NRIP3: variants seen among roughly 807,000 people sequenced by gnomAD.
The protein encoded by NRIP3 is nuclear receptor interacting protein 3.
NRIP3 carries 31 observed loss-of-function variants against 29.0 expected under a neutral mutation model. The observed-to-expected ratio is 1.07, with a 90% CI of 0.80 to 1.44. The LOEUF (loss-of-function observed/expected upper bound fraction) is 1.44. Ranked by LOEUF, NRIP3 falls within the 40% of genes most tolerant of loss-of-function variation. NRIP3 has a pLI of 0.00. For synonymous variants in NRIP3, 131 were observed against 118.3 expected (o/e 1.11, Z -0.70); for missense variants, 314 against 297.9 (o/e 1.05, Z -0.40).
chr11:9,003,861 C>T lies in NRIP3; in HGVS notation c.75G>A (p.Gln25=). 6.6e-7 allele frequency: 1 copy of T among 1,521,704 alleles called. No homozygotes were observed. The highest frequency in any genetic ancestry group is 1.4e-5 in the African/African-American group (1 of 69,662). 94.3% of individuals were successfully genotyped at this position (1,521,704 alleles called of 1,614,324 possible). A position where few individuals can be genotyped will look rare whatever the true frequency, so the allele number is the denominator to read the frequency against. ...TDMREAASLR[Q]QRRMKQAVQF... is the part of the protein sequence containing the mutation. ...GCACCGCCTGCTTCATCCGGCGCTG[C>T]TGTCGCAGTGACGCCGCCTCCCGCA... The change falls in exon 1 of 7, where the codon CAG becomes CAA. Residue 25 remains glutamine, a synonymous_variant. Transcript: ENST00000309166.
chr11:8,984,076 A>G lies in NRIP3; in HGVS notation c.611T>C (p.Leu204Pro), dbSNP rs763569099. 9 of 1,612,078 alleles carry G rather than the reference A, an allele frequency of 5.6e-6. No individual in the cohort carries two copies. In the Admixed American group the frequency reaches 1.2e-4, roughly 21 times the overall value. Residue 204 changes from leucine to proline, a missense_variant, in exon 5 of 7, where the codon CTG becomes CCG. Physicochemically the swap from Leu to Pro is moderately conservative, Grantham distance 98. Coordinates refer to ENST00000309166, the MANE Select transcript of NRIP3 (RefSeq NM_020645.3). ...LSLGLQTLRS[L>P]KCIINLDKHR... ...GGTAAGTGGAGTCAATCTTACCTTC[A>G]GAGATCGGAGAGTCTGTAGACCAAG...
chr11:8,983,710 G>GT, intron 6 of NRIP3, 150 bp from the exon 7 acceptor site: 1 of 880,910 alleles, frequency 1.1e-6, no homozygotes, highest in Non-Finnish European at 1.9e-6. Flanking sequence ...GCACTACAGA[G>GT]TTTTGTGGGG....
rs746997245 is a variant in NRIP3 at position 8,982,964 on chromosome 11, A to G, written c.*581T>C. 2.2e-6 allele frequency: 1 copy of G among 456,550 alleles called. No homozygotes were observed. Among genetic ancestry groups the G allele is most frequent in the South Asian group, 1.5e-5 (1 of 64,568 alleles). The allele number at this position is 456,550 out of a possible 1,614,324, so 28.3% of individuals were successfully genotyped here. On this transcript the variant is annotated 3_prime_UTR_variant, in exon 7 of 7. Coordinates refer to ENST00000309166, the MANE Select transcript of NRIP3 (RefSeq NM_020645.3). ...TGGTCCCTTCAGTCACTGACCTAAT[A>G]TATGAACTTAGACAATTCACTTGCC...
upstream of NRIP3, chr11:9,004,026 T>G: frequency 2.4e-6 from 3 of 1,250,716 alleles, no homozygotes; most frequent in Non-Finnish European, 3.1e-6. Context: ...GAGCCGCGCC[T>G]TTTATAGCCG....
At chr11:8,983,755 T>C in intron 6 of NRIP3, 120 bp downstream of exon 6, 1 of 940,628 alleles carries the variant, frequency 1.1e-6, no homozygotes, top group East Asian at 2.4e-5. Flanking sequence ...GGTGGATTTG[T>C]AGTATAATTG....
chr11:9,002,307 G>A (rs971258275), intron 1 of NRIP3, among the ~76,000 whole-genome samples: 2 of 152,062 alleles, frequency 1.3e-5, no homozygotes, highest in Non-Finnish European at 2.9e-5. Context: ...TAAATGAATC[G>A]AGATTGCTTT....
intron 3 of NRIP3, among the ~76,000 whole-genome samples, chr11:8,986,087 G>T (rs1048751574): frequency 6.6e-6 from 1 of 152,186 alleles, no homozygotes; most frequent in Non-Finnish European, 1.5e-5. Flanking sequence ...TCACTTATGT[G>T]TATTGGTGAA....
intron 1 of NRIP3, among the ~76,000 whole-genome samples, chr11:8,994,845 C>G (rs1284566342): frequency 1.3e-5 from 2 of 152,280 alleles, no homozygotes; most frequent in African/African-American, 4.8e-5. Flanking sequence ...TCTACATATA[C>G]TCCCAGGGCA....
At chr11:8,998,524 C>A (rs1854746000) in intron 1 of NRIP3, among the ~76,000 whole-genome samples, 1 of 152,326 alleles carries the variant, frequency 6.6e-6, no homozygotes, top group South Asian at 2.1e-4. Flanking sequence ...GCAGCCTTCT[C>A]TCCATACCAT....
chr11:8,986,286 A>C (rs768730672), intron 3 of NRIP3, among the ~76,000 whole-genome samples: 1 of 151,986 alleles, frequency 6.6e-6, no homozygotes, highest in Non-Finnish European at 1.5e-5. Flanking sequence ...TTTCTATTTC[A>C]CTCTGTCTTC....
At position 9,003,950 on chromosome 11, in the gene NRIP3, C is replaced by T. The variant is rs1175416911; in HGVS notation, c.-15G>A. On this transcript the variant is annotated 5_prime_UTR_variant, in exon 1 of 7. Coordinates refer to ENST00000309166, the MANE Select transcript of NRIP3 (RefSeq NM_020645.3). ...GAGTAAAACATCGCTGAGGCGCCGG[C>T]GGCCCGGTAGCCCACAGCCCCCCGG... The T allele has an allele frequency of 2.7e-6, 4 of 1,479,020 alleles. No homozygotes were observed. Among genetic ancestry groups the T allele is most frequent in the Admixed American group, 2.4e-5 (1 of 42,076 alleles). 91.6% of individuals were successfully genotyped at this position (1,479,020 alleles called of 1,614,324 possible).
Position 8,988,272 on chromosome 11 carries a change from T to C in NRIP3, c.185A>G (p.Asn62Ser), listed in dbSNP as rs1854549140. The change falls in exon 2 of 7, where the codon AAT (asparagine) becomes AGT (serine). Residue 62 changes from asparagine to serine, a missense_variant. Physicochemically the swap from Asn to Ser is conservative, Grantham distance 46. Coordinates refer to ENST00000309166, the MANE Select transcript of NRIP3 (RefSeq NM_020645.3). ...TTCCATGAGGCGCCTCTGCAGAATA[T>C]TATGAGGTTGCTTGAGGGATAGAAA... is the stretch of plus-strand genomic sequence containing the variant. ...LGSSKDMQPH[N>S]ILQRRLMETN... is the part of the protein sequence containing the mutation. 1 of 1,613,506 alleles carries C rather than the reference T, an allele frequency of 6.2e-7. No individual in the cohort carries two copies. The highest frequency in any genetic ancestry group is 8.5e-7 in the Non-Finnish European group (1 of 1,179,736).
chr11:8,983,312 C>T lies in NRIP3; in HGVS notation c.*233G>A. The T allele has an allele frequency of 1.7e-6, 1 of 578,282 alleles. No individual in the cohort carries two copies. Among genetic ancestry groups the T allele is most frequent in the Non-Finnish European group, 3.1e-6 (1 of 323,730 alleles). 35.8% of individuals were successfully genotyped at this position (578,282 alleles called of 1,614,324 possible). A position where few individuals can be genotyped will look rare whatever the true frequency, so the allele number is the denominator to read the frequency against. ...TGAGACTGGCAGTGTCAAAAAAGGT[C>T]TATAAGTTAAGTGATCAAAGTAGTA... is the stretch of plus-strand genomic sequence containing the variant. On this transcript the variant is annotated 3_prime_UTR_variant, in exon 7 of 7. Coordinates refer to ENST00000309166, the MANE Select transcript of NRIP3 (RefSeq NM_020645.3).
chr11:8,999,762 A>G (rs1854765567), intron 1 of NRIP3, among the ~76,000 whole-genome samples: 1 of 151,730 alleles, frequency 6.6e-6, no homozygotes, highest in Non-Finnish European at 1.5e-5. Context: ...TGCCTAGAAC[A>G]CTCTTCCCTG....
At position 8,982,829 on chromosome 11, in the gene NRIP3, C is replaced by CTT. The variant is rs35481824; in HGVS notation, c.*714_*715dup. ...AGAGAATATTCCTCCCATGCTCTGC[C>CTT]TTTTTTTTTTTTTTTTTAACACATT... On this transcript the variant is annotated 3_prime_UTR_variant, in exon 7 of 7. Coordinates refer to ENST00000309166, the MANE Select transcript of NRIP3 (RefSeq NM_020645.3). 1.7e-3 allele frequency: 480 copies of CTT among 285,970 alleles called. No homozygotes were observed. The highest frequency in any genetic ancestry group is 2.2e-3 in the South Asian group (72 of 33,412). 17.7% of individuals were successfully genotyped at this position (285,970 alleles called of 1,614,324 possible).
At position 9,001,747 on chromosome 11, in the gene NRIP3, C is replaced by G. The variant is rs561132623; in HGVS notation, c.174+2015G>C. Among the ~76,000 whole-genome samples the G allele has an allele frequency of 8.3e-5, 12 of 144,632 alleles. No individual in the cohort carries two copies. In the South Asian group the frequency reaches 2.5e-3, roughly 30 times the overall value. 94.9% of individuals were successfully genotyped at this position (144,632 alleles called of 152,430 possible). A position where few individuals can be genotyped will look rare whatever the true frequency, so the allele number is the denominator to read the frequency against. On this transcript the variant is annotated intron_variant, in intron 1 of 6. Transcript: ENST00000309166. ...AAGAGAGTTTAAGCATGCTGCCTCA[C>G]CCCAGCGCTTGCGGCTCTCCTAGCC...
chr11:8,983,620 AG>A, intron 6 of NRIP3, 60 bp from the exon 7 acceptor site: 1 of 1,547,242 alleles, frequency 6.5e-7, no homozygotes, highest in African/African-American at 1.4e-5. Context: ...GTTAAGCTGA[AG>A]GCAAGTAAAA....
chr11:8,992,701 G>T (rs553878559), intron 1 of NRIP3, among the ~76,000 whole-genome samples: 74 of 152,188 alleles, frequency 4.9e-4, no homozygotes, highest in Admixed American at 1.8e-3. Flanking sequence ...ACGAGATCAG[G>T]AGTTCGAGAC....
At chr11:9,000,383 C>CA (rs1200982957) in intron 1 of NRIP3, among the ~76,000 whole-genome samples, 3 of 152,208 alleles carry the variant, frequency 2.0e-5, no homozygotes, top group Non-Finnish European at 4.4e-5. Flanking sequence ...ATCTATAGGG[C>CA]ACACCACACA....
Sources: allele counts gnomAD v4.1 joint callset (sites outside exome capture counted in the v4.1 genomes callset), GRCh38; gene constraint gnomAD v4.1.1; transcripts MANE v1.5; gene names NCBI Gene and HGNC (gene_info 2026-07-23, HGNC 2026-07-21).